The following CYP24A1 variants were observed in gnomAD, a reference collection of about 807,000 sequenced individuals.
CYP24A1 encodes cytochrome P450 family 24 subfamily A member 1.
CYP24A1 carries 68 observed loss-of-function variants against 62.4 expected under a neutral mutation model. That is an observed-to-expected ratio of 1.09 (90% CI 0.90 to 1.33). The LOEUF (loss-of-function observed/expected upper bound fraction) is 1.33, where lower values mean the gene tolerates loss of function less well. CYP24A1 is among the 40% of genes most tolerant of loss of function. The pLI is 0.00. For missense variants in CYP24A1, 787 were observed against 653.0 expected (o/e 1.21, Z -2.24); for synonymous variants, 267 against 253.0 (o/e 1.06, Z -0.52).
chr20:54,158,844 T>C (rs879876948), intron 8 of CYP24A1, 113 bp downstream of exon 8: 2 of 1,569,134 alleles, frequency 1.3e-6, no homozygotes, highest in Non-Finnish European at 8.7e-7. Context: ...TGCAGTGTGA[T>C]AATTGTTTCT....
the CYP24A1 span, among the ~76,000 whole-genome samples, chr20:54,144,387 C>T: frequency 2.0e-5 from 3 of 151,396 alleles, no homozygotes; most frequent in Non-Finnish European, 4.4e-5. Flanking sequence ...GTAGTTGCGA[C>T]CACAGGTGTG....
At chr20:54,168,284 CTT>C (rs996866968) in intron 4 of CYP24A1, among the ~76,000 whole-genome samples, 1 of 152,196 alleles carries the variant, frequency 6.6e-6, no homozygotes, top group Non-Finnish European at 1.5e-5. Flanking sequence ...GAGCTCTGCC[CTT>C]TATTTCCAGA....
intron 7 of CYP24A1, among the ~76,000 whole-genome samples, chr20:54,159,558 C>A (rs1241833985): frequency 1.3e-5 from 2 of 152,074 alleles, no homozygotes; most frequent in Admixed American, 6.5e-5. Flanking sequence ...CCATGCCTGG[C>A]TAATTTTTGT....
downstream of CYP24A1, among the ~76,000 whole-genome samples, chr20:54,153,126 C>T (rs948547546): frequency 2.0e-5 from 3 of 152,124 alleles, no homozygotes; most frequent in African/African-American, 7.2e-5. Context: ...ATGAAAGATA[C>T]AAGAGAGAAC....
chr20:54,155,061 A>T (rs2092622685), intron 11 of CYP24A1: 1 of 152,002 alleles, frequency 6.6e-6, no homozygotes, highest in South Asian at 2.1e-4. Context: ...GCTAAAACTT[A>T]AAAGGTGTGG....
intron 7 of CYP24A1, among the ~76,000 whole-genome samples, chr20:54,160,610 A>G (rs1285509043): frequency 2.6e-5 from 4 of 152,250 alleles, no homozygotes; most frequent in East Asian, 1.9e-4. Flanking sequence ...TGCCATTATT[A>G]TAAGAGTCTA....
intron 6 of CYP24A1, among the ~76,000 whole-genome samples, chr20:54,163,665 A>G (rs2092660687): frequency 6.6e-6 from 1 of 152,232 alleles, no homozygotes; most frequent in Admixed American, 6.5e-5. Context: ...TAAGTGAACA[A>G]TGCCTAGCAT....
At chr20:54,153,044 A>G (rs552855976), downstream of CYP24A1, among the ~76,000 whole-genome samples, 54 of 152,304 alleles carry the variant, frequency 3.5e-4, no homozygotes, top group African/African-American at 1.2e-3. Flanking sequence ...CAAACAGTGA[A>G]TGTGGTAGGC....
At chr20:54,165,188 G>A (rs1227966287) in intron 5 of CYP24A1, among the ~76,000 whole-genome samples, 5 of 152,244 alleles carry the variant, frequency 3.3e-5, no homozygotes, top group Non-Finnish European at 7.3e-5. Flanking sequence ...GGTGATCAGC[G>A]GGCCAGCAGG....
intron 7 of CYP24A1, among the ~76,000 whole-genome samples, chr20:54,160,194 A>G (rs1423244806): frequency 1.3e-5 from 2 of 152,200 alleles, no homozygotes; most frequent in Non-Finnish European, 2.9e-5. Context: ...AAATTCAAAC[A>G]TTGAGCTGAG....
At position 54,173,326 on chromosome 20, in the gene CYP24A1, G is replaced by C; in HGVS notation, c.254C>G (p.Thr85Ser). 1 of 1,608,526 alleles carries C rather than the reference G, an allele frequency of 6.2e-7. No homozygotes were observed. The highest frequency in any genetic ancestry group is 8.5e-7 in the Non-Finnish European group (1 of 1,176,626). The change falls in exon 1 of 12, where the codon ACC becomes AGC. Residue 85 changes from threonine (T) to serine (S), a missense_variant. Coordinates refer to ENST00000216862, the MANE Select transcript of CYP24A1 (RefSeq NM_000782.5). This position sits in a 1 kb window ranked among gnomAD's most constrained non-coding sequence, Gnocchi z 7.2. Reference sequence around the variant, plus strand: ...GGGGCGCGAAAAGGGGTTTACCAGGGTGTCGTGCTGTTTCTTGAGACCCCC... The same window carrying C: ...GGGGCGCGAAAAGGGGTTTACCAGGCTGTCGTGCTGTTTCTTGAGACCCCC... Reference protein sequence around the residue: ...WKGGLKKQHDTLVEYHKKYGK... With the variant: ...WKGGLKKQHDSLVEYHKKYGK...
At chr20:54,171,547 C>T in intron 3 of CYP24A1, 30 bp downstream of exon 3, 1 of 1,613,806 alleles carries the variant, frequency 6.2e-7, no homozygotes, top group South Asian at 1.1e-5. Context: ...TCCCCACGAG[C>T]CCCAGGAAAG....
In CYP24A1 at chr20:54,157,264, G is replaced by A. The variant is rs531438091; in HGVS notation, c.1460C>T (p.Ala487Val). The A allele has an allele frequency of 1.6e-5, 25 of 1,611,844 alleles. No individual in the cohort carries two copies. In the East Asian group the frequency reaches 4.9e-4, roughly 32 times the overall value. Residue 487 changes from alanine (A) to valine (V), a missense_variant, in exon 11 of 12, where the codon GCC (alanine) becomes GTC (valine). Transcript: ENST00000216862. ...CWIVRKYDIQ[A>V]TDNEPVEMLH... ...CATCTCAACAGGCTCATTGTCTGTG[G>A]CCTGGATGTCGTATTTGCGGACAAT...
At chr20:54,156,229 C>T (rs570924484) in intron 11 of CYP24A1, among the ~76,000 whole-genome samples, 7 of 152,264 alleles carry the variant, frequency 4.6e-5, no homozygotes, top group Admixed American at 1.3e-4. Flanking sequence ...GCCCTAATCC[C>T]TGGAACACGT....
At chr20:54,166,923 C>T (rs2092674253) in intron 4 of CYP24A1, among the ~76,000 whole-genome samples, 1 of 151,986 alleles carries the variant, frequency 6.6e-6, no homozygotes. Flanking sequence ...CCTGTAGTTC[C>T]AGCTACTCTG....
intron 2 of CYP24A1, among the ~76,000 whole-genome samples, chr20:54,172,450 G>A (rs2092697194): frequency 6.6e-6 from 1 of 152,180 alleles, no homozygotes; most frequent in South Asian, 2.1e-4. Flanking sequence ...AATAAGGCAT[G>A]TCCCCCAATC....
chr20:54,146,585 T>C, the CYP24A1 span, among the ~76,000 whole-genome samples: 2 of 152,260 alleles, frequency 1.3e-5, no homozygotes, highest in African/African-American at 4.8e-5. Flanking sequence ...TTTTCAAGTA[T>C]GTCATCAACT....
intron 3 of CYP24A1, among the ~76,000 whole-genome samples, chr20:54,171,191 C>T (rs1041450272): frequency 6.6e-6 from 1 of 152,178 alleles, no homozygotes; most frequent in Admixed American, 6.5e-5. Context: ...ATTTAATTCT[C>T]ACAGCAAACC....
intron 11 of CYP24A1, among the ~76,000 whole-genome samples, chr20:54,155,221 G>C (rs1268854170): frequency 6.6e-6 from 1 of 152,070 alleles, no homozygotes; most frequent in Non-Finnish European, 1.5e-5. Context: ...ACTTGGTGGA[G>C]GAATAATAAT....
Sources: allele counts gnomAD v4.1 joint callset (sites outside exome capture counted in the v4.1 genomes callset), GRCh38; gene constraint gnomAD v4.1.1; non-coding constraint Gnocchi (gnomAD v3.1); transcripts MANE v1.5; gene names NCBI Gene and HGNC (gene_info 2026-07-23, HGNC 2026-07-21).